The following C11orf97 variants were observed in gnomAD, a reference collection of about 807,000 sequenced individuals.
C11orf97 encodes the protein uncharacterized protein C11orf97.
C11orf97 carries 15 observed loss-of-function variants against 16.2 expected under a neutral mutation model. The observed-to-expected ratio is 0.93, with a 90% CI of 0.62 to 1.43. The LOEUF (loss-of-function observed/expected upper bound fraction) is 1.43. Among genes scored for constraint, C11orf97 ranks in the 40% most tolerant of loss-of-function variants. The pLI, the probability that C11orf97 is intolerant of heterozygous loss-of-function variation, is 0.00. For synonymous variants in C11orf97, 61 were observed against 65.7 expected (o/e 0.93, Z 0.34); for missense variants, 171 against 161.2 (o/e 1.06, Z -0.33).
chr11:94,531,235 TTCAAGACCAGCCTGG>T (rs1305422690), intron 3 of C11orf97, among the ~76,000 whole-genome samples: 1 of 151,632 alleles, frequency 6.6e-6, no homozygotes, highest in African/African-American at 2.4e-5. Flanking sequence ...AGGCCAGGAG[TTCAAGACCAGCCTGG>T]TCAACATGGC....
chr11:94,531,526 C>CA (rs35270400), intron 3 of C11orf97, among the ~76,000 whole-genome samples: 3,920 of 91,828 alleles, frequency 0.043, 90 homozygotes, highest in Admixed American at 0.069. Context: ...CAAAACAAGC[C>CA]AAAAAAAAAA....
chr11:94,520,913 A>G (rs1947652818), intron 2 of C11orf97, among the ~76,000 whole-genome samples: 1 of 152,072 alleles, frequency 6.6e-6, no homozygotes, highest in Admixed American at 6.5e-5. Flanking sequence ...ATGGCTTTTT[A>G]TTATTCTGAG....
intron 1 of C11orf97, among the ~76,000 whole-genome samples, chr11:94,513,543 C>T (rs534040974): frequency 3.4e-4 from 52 of 152,302 alleles, no homozygotes; most frequent in Admixed American, 2.8e-3. Context: ...GGTTCCTCTG[C>T]ACCGGGAGGC....
intron 2 of C11orf97, among the ~76,000 whole-genome samples, chr11:94,518,745 A>G (rs1160873203): frequency 2.0e-5 from 3 of 152,212 alleles, no homozygotes; most frequent in African/African-American, 7.2e-5. Flanking sequence ...GGGTATCAGC[A>G]GTTGCTAGAA....
chr11:94,530,306 C>T (rs1403987430), intron 3 of C11orf97, among the ~76,000 whole-genome samples: 1 of 152,192 alleles, frequency 6.6e-6, no homozygotes. Flanking sequence ...TGACACATAG[C>T]TTAGCTTCAT....
intron 1 of C11orf97, among the ~76,000 whole-genome samples, chr11:94,517,244 T>TGTC: frequency 1.3e-5 from 2 of 152,324 alleles, no homozygotes; most frequent in Non-Finnish European, 2.9e-5. Context: ...GCCAAATGCC[T>TGTC]ATCACAGAGT....
chr11:94,516,250 T>C (rs1947610667), intron 1 of C11orf97, among the ~76,000 whole-genome samples: 1 of 152,182 alleles, frequency 6.6e-6, no homozygotes, highest in Non-Finnish European at 1.5e-5. Flanking sequence ...TATTGATTAG[T>C]CTGGAAAAGA....
intron 2 of C11orf97, among the ~76,000 whole-genome samples, chr11:94,525,658 G>A (rs1206042992): frequency 6.6e-6 from 1 of 152,170 alleles, no homozygotes; most frequent in Non-Finnish European, 1.5e-5. Context: ...GAGCCTAGGA[G>A]TCACCAGACA....
chr11:94,514,640 CTTT>C (rs10562282), intron 1 of C11orf97, among the ~76,000 whole-genome samples: 2 of 82,458 alleles, frequency 2.4e-5, no homozygotes, highest in African/African-American at 4.7e-5. Context: ...TTATTTTTGC[CTTT>C]TTTTTTTTTT....
chr11:94,529,039 G>A (rs545453815), intron 3 of C11orf97, among the ~76,000 whole-genome samples: 1 of 152,186 alleles, frequency 6.6e-6, no homozygotes, highest in South Asian at 2.1e-4. Flanking sequence ...CAGTACTTTA[G>A]GAGGCCAAGG....
intron 1 of C11orf97, among the ~76,000 whole-genome samples, chr11:94,516,802 A>G (rs1274225252): frequency 6.6e-6 from 1 of 152,218 alleles, no homozygotes; most frequent in East Asian, 1.9e-4. Flanking sequence ...ACCAGGAGAA[A>G]GGCAGCTCAG....
intron 2 of C11orf97, among the ~76,000 whole-genome samples, chr11:94,519,933 A>AC (rs1947644865): frequency 6.6e-6 from 1 of 151,918 alleles, no homozygotes; most frequent in African/African-American, 2.4e-5. Flanking sequence ...GTTTGCAGTG[A>AC]CCCCTCCTTT....
intron 3 of C11orf97, among the ~76,000 whole-genome samples, chr11:94,529,414 A>C (rs535263685): frequency 6.6e-6 from 1 of 152,382 alleles, no homozygotes; most frequent in African/African-American, 2.4e-5. Context: ...TGTAGCAAAC[A>C]GGAGCCAGTT....
chr11:94,521,670 A>AC, intron 2 of C11orf97, among the ~76,000 whole-genome samples: 1 of 152,306 alleles, frequency 6.6e-6, no homozygotes, highest in East Asian at 1.9e-4. Flanking sequence ...AATTTTGCTT[A>AC]CCCCAAATCC....
chr11:94,528,042 A>T, intron 2 of C11orf97, 42 bp from the exon 3 acceptor site: 2 of 1,490,308 alleles, frequency 1.3e-6, no homozygotes, highest in African/African-American at 1.4e-5. Flanking sequence ...TAAAAAGAGA[A>T]TACGCTAATA....
rs1947743541 is a variant in C11orf97, at chr11:94,532,073, T to C, written c.*173T>C. The C allele has an allele frequency of 2.4e-6, 1 of 425,378 alleles. No homozygotes were observed. Among genetic ancestry groups the C allele is most frequent in the Middle Eastern group, 6.0e-4 (1 of 1,670 alleles). 26.4% of individuals were successfully genotyped at this position (425,378 alleles called of 1,614,324 possible). On this transcript the variant is annotated 3_prime_UTR_variant, in exon 4 of 4. Coordinates refer to ENST00000542198, the MANE Select transcript of C11orf97 (RefSeq NM_001190462.2). ...AAATTAATCCAAAGTAATGAAAGAC[T>C]ATTGGTAATGTTCAGTAAGTACCTG... is the stretch of plus-strand genomic sequence containing the variant.
At chr11:94,517,183 C>T (rs376879157) in intron 1 of C11orf97, among the ~76,000 whole-genome samples, 18 of 152,280 alleles carry the variant, frequency 1.2e-4, no homozygotes, top group African/African-American at 4.1e-4. Flanking sequence ...ACCTGGATTG[C>T]AAGCTCTATA....
At chr11:94,529,062 C>A (rs778384576) in intron 3 of C11orf97, among the ~76,000 whole-genome samples, 1 of 152,134 alleles carries the variant, frequency 6.6e-6, no homozygotes, top group Non-Finnish European at 1.5e-5. Context: ...GGCAGAAACT[C>A]AGGCACAGAG....
At chr11:94,520,390 A>G (rs924251675) in intron 2 of C11orf97, among the ~76,000 whole-genome samples, 6 of 152,140 alleles carry the variant, frequency 3.9e-5, no homozygotes, top group Admixed American at 3.9e-4. Context: ...CCTAGCCTGT[A>G]TAATTTAGAG....
Sources: allele counts gnomAD v4.1 joint callset (sites outside exome capture counted in the v4.1 genomes callset), GRCh38; gene constraint gnomAD v4.1.1; transcripts MANE v1.5; gene names NCBI Gene and HGNC (gene_info 2026-07-23, HGNC 2026-07-21).